Variants in CMTM8 observed in about 807,000 individuals in gnomAD.
CMTM8 encodes the protein CKLF like MARVEL transmembrane domain containing 8.
A neutral mutation model predicts 18.6 loss-of-function variants in CMTM8; 12 were observed. That is an observed-to-expected ratio of 0.65 (90% CI 0.41 to 1.05). The LOEUF (loss-of-function observed/expected upper bound fraction) is 1.05, where lower values mean the gene tolerates loss of function less well. Among genes scored for constraint, CMTM8 ranks in the 50% least tolerant of loss-of-function variants. The pLI is 0.00. For missense variants in CMTM8, 217 were observed against 227.2 expected (o/e 0.95, Z 0.29); for synonymous variants, 87 against 90.6 (o/e 0.96, Z 0.23).
intron 1 of CMTM8, among the ~76,000 whole-genome samples, chr3:32,339,301 A>T (rs1488451186): frequency 1.3e-5 from 2 of 152,210 alleles, no homozygotes; most frequent in Non-Finnish European, 2.9e-5. Flanking sequence ...GTCCTAAGCA[A>T]GAATAAGGTA....
chr3:32,318,687 C>T (rs982869225), intron 1 of CMTM8, among the ~76,000 whole-genome samples: 5 of 151,610 alleles, frequency 3.3e-5, no homozygotes, highest in Non-Finnish European at 7.4e-5. Context: ...CTGCCTCAGC[C>T]TCCCGAGTAC....
At chr3:32,346,074 A>C (rs1198681730) in intron 1 of CMTM8, among the ~76,000 whole-genome samples, 1 of 152,172 alleles carries the variant, frequency 6.6e-6, no homozygotes, top group Non-Finnish European at 1.5e-5. Context: ...GAATTGCTTG[A>C]ACCCAGGAGG....
intron 1 of CMTM8, among the ~76,000 whole-genome samples, chr3:32,329,665 A>T: frequency 6.6e-6 from 1 of 152,224 alleles, no homozygotes. Flanking sequence ...CTAATATCAT[A>T]TTCAGTGGTA....
intron 1 of CMTM8, among the ~76,000 whole-genome samples, chr3:32,296,777 G>C (rs1215336565): frequency 6.6e-6 from 1 of 152,176 alleles, no homozygotes; most frequent in Admixed American, 6.5e-5. Flanking sequence ...GGGGCCTCCT[G>C]CCTCTCTCAC....
intron 1 of CMTM8, among the ~76,000 whole-genome samples, chr3:32,241,194 G>A (rs4075566): frequency 0.15 from 23,237 of 151,980 alleles, 2,025 homozygotes; most frequent in African/African-American, 0.22. Flanking sequence ...GCTGTTTATT[G>A]GTGTTCCCTC....
rs1553603184 is a variant in CMTM8 at position 32,275,666 on chromosome 3, T to TG, written c.147+36551dup. Among the ~76,000 whole-genome samples, 468 of 93,428 alleles carry TG rather than the reference T, an allele frequency of 5.0e-3. 72 individuals carry two copies. The highest frequency in any genetic ancestry group is 5.5e-3 in the African/African-American group (139 of 25,380). 61.3% of individuals were successfully genotyped at this position (93,428 alleles called of 152,430 possible). A position where few individuals can be genotyped will look rare whatever the true frequency, so the allele number is the denominator to read the frequency against. Reference sequence around the variant, plus strand: ...TTCCTTTTTTTTTTTTTTTTTTTTTTGGGGACAGAGTCTTGCTGTGTCACC... The same window carrying TG: ...TTCCTTTTTTTTTTTTTTTTTTTTTTGGGGGACAGAGTCTTGCTGTGTCACC... On this transcript the variant is annotated intron_variant, in intron 1 of 3. Transcript: ENST00000307526.
chr3:32,290,032 C>G (rs868404329), intron 1 of CMTM8, among the ~76,000 whole-genome samples: 1 of 152,132 alleles, frequency 6.6e-6, no homozygotes, highest in Middle Eastern at 3.4e-3. Context: ...TTGGGAGGAT[C>G]ACATGAGCCT....
At chr3:32,345,851 T>C (rs1391478357) in intron 1 of CMTM8, among the ~76,000 whole-genome samples, 1 of 152,166 alleles carries the variant, frequency 6.6e-6, no homozygotes, top group Non-Finnish European at 1.5e-5. Context: ...GCAGATGGCT[T>C]AGCCAGAAAA....
At chr3:32,352,079 G>A (rs1696719869) in intron 1 of CMTM8, among the ~76,000 whole-genome samples, 2 of 151,610 alleles carry the variant, frequency 1.3e-5, no homozygotes, top group African/African-American at 4.9e-5. Context: ...TCGGGAGGCT[G>A]CAGCATGAGA....
chr3:32,286,364 G>T (rs1281825515), intron 1 of CMTM8, among the ~76,000 whole-genome samples: 4 of 152,108 alleles, frequency 2.6e-5, no homozygotes, highest in African/African-American at 7.2e-5. Context: ...GTGGCCTCAG[G>T]TCCACAGTTT....
intron 1 of CMTM8, among the ~76,000 whole-genome samples, chr3:32,281,958 G>A (rs1702616152): frequency 6.6e-6 from 1 of 151,982 alleles, no homozygotes; most frequent in Non-Finnish European, 1.5e-5. Flanking sequence ...AAATACAAGA[G>A]TGCCAGGGCT....
intron 2 of CMTM8, among the ~76,000 whole-genome samples, chr3:32,362,509 A>G (rs549224100): frequency 6.6e-6 from 1 of 152,320 alleles, no homozygotes; most frequent in Admixed American, 6.5e-5. Flanking sequence ...CTTGAGAGCC[A>G]GGAATGGGAG....
chr3:32,275,129 C>T (rs543651817), intron 1 of CMTM8, among the ~76,000 whole-genome samples: 1 of 152,096 alleles, frequency 6.6e-6, no homozygotes, highest in East Asian at 1.9e-4. Flanking sequence ...CTCAGCCTCC[C>T]AAGTAGCTGG....
At chr3:32,312,073 C>T (rs543105901) in intron 1 of CMTM8, among the ~76,000 whole-genome samples, 1 of 152,272 alleles carries the variant, frequency 6.6e-6, no homozygotes, top group African/African-American at 2.4e-5. Context: ...ATTGGCTATA[C>T]TTTGTTGAAC....
At position 32,291,081 on chromosome 3, in the gene CMTM8, T is replaced by C. The variant is rs140032380; in HGVS notation, c.147+51962T>C. Among the ~76,000 whole-genome samples, 77 of 151,466 alleles carry C rather than the reference T, an allele frequency of 5.1e-4. No homozygotes were observed. In the Middle Eastern group the frequency reaches 0.01, roughly 20 times the overall value. On this transcript the variant is annotated intron_variant, in intron 1 of 3. Coordinates refer to ENST00000307526, the MANE Select transcript of CMTM8 (RefSeq NM_178868.5). ...TTTCAAGATTTTACCACTAGCAATA[T>C]GTAGGATAAATGGGAGATGAGAGGC...
At chr3:32,365,506 C>T (rs1697017741) in intron 2 of CMTM8, among the ~76,000 whole-genome samples, 1 of 152,054 alleles carries the variant, frequency 6.6e-6, no homozygotes, top group Non-Finnish European at 1.5e-5. Context: ...AGTGCAGTGG[C>T]GTGATCTCGG....
At chr3:32,265,435 C>G (rs867901271) in intron 1 of CMTM8, among the ~76,000 whole-genome samples, 25 of 152,192 alleles carry the variant, frequency 1.6e-4, no homozygotes, top group Admixed American at 1.2e-3. Flanking sequence ...ACCAGAATCT[C>G]TGGGACACAT....
chr3:32,331,688 T>C (rs1483623167), intron 1 of CMTM8, among the ~76,000 whole-genome samples: 1 of 152,118 alleles, frequency 6.6e-6, no homozygotes, highest in Non-Finnish European at 1.5e-5. Context: ...ATGCAGACAA[T>C]GGAGAATTAT....
At chr3:32,366,485 A>G (rs1404190894) in intron 2 of CMTM8, among the ~76,000 whole-genome samples, 1 of 152,174 alleles carries the variant, frequency 6.6e-6, no homozygotes, top group Non-Finnish European at 1.5e-5. Flanking sequence ...ATTCATTCTC[A>G]TTCATTCTTT....
Sources: allele counts gnomAD v4.1 joint callset (sites outside exome capture counted in the v4.1 genomes callset), GRCh38; gene constraint gnomAD v4.1.1; transcripts MANE v1.5; gene names NCBI Gene and HGNC (gene_info 2026-07-23, HGNC 2026-07-21).